The following ABCC1 variants were observed in gnomAD, a reference collection of about 807,000 sequenced individuals.
ABCC1 encodes the protein ATP binding cassette subfamily C member 1 (ABCC1 blood group), also known as multidrug resistance-associated protein 1.
Under a neutral mutation model 172.9 loss-of-function variants are expected in ABCC1, and 83 were observed. The observed-to-expected ratio is 0.48, with a 90% CI of 0.40 to 0.58. The LOEUF (loss-of-function observed/expected upper bound fraction) is 0.58, where lower values mean the gene tolerates loss of function less well. Among genes scored for constraint, ABCC1 ranks in the 20% least tolerant of loss-of-function variants. The probability of loss-of-function intolerance (pLI) is 0.00; values close to 1 mark genes in which losing one functional copy is unlikely to be tolerated. For missense variants in ABCC1, 1,817 were observed against 2,002.7 expected (o/e 0.91, Z 1.77); for synonymous variants, 937 against 825.2 (o/e 1.14, Z -2.32).
chr16:16,036,037 C>T lies in ABCC1; in HGVS notation c.678-435C>T, dbSNP rs553816597. ...TACTCGGGAGGTTGAGATGGGAGAA[C>T]CACTCTAGACCGGGAGCTGGAGGCT... is the stretch of plus-strand genomic sequence containing the variant. On this transcript the variant is annotated intron_variant, in intron 6 of 30. Transcript: ENST00000399410. Among the ~76,000 whole-genome samples, 3 of 152,034 alleles carry T rather than the reference C, an allele frequency of 2.0e-5. No homozygotes were observed. In the South Asian group the frequency reaches 6.2e-4, roughly 32 times the overall value.
Position 16,141,578 on chromosome 16 carries a change from T to A in ABCC1, c.*297T>A. 1 of 384,898 alleles carries A rather than the reference T, an allele frequency of 2.6e-6. No individual in the cohort carries two copies. The highest frequency in any genetic ancestry group is 4.6e-5 in the East Asian group (1 of 21,872). 23.8% of individuals were successfully genotyped at this position (384,898 alleles called of 1,614,324 possible). ...GCCCCCAGGAATGCAAGTGGTTTCC[T>A]GGTGCTTCCCACGGAGGAGTTTTGG... is the stretch of plus-strand genomic sequence containing the variant. On this transcript the variant is annotated 3_prime_UTR_variant, in exon 31 of 31. Transcript: ENST00000399410.
At chr16:16,027,865 G>C (rs545800446) in intron 5 of ABCC1, among the ~76,000 whole-genome samples, 15 of 152,258 alleles carry the variant, frequency 9.9e-5, no homozygotes, top group African/African-American at 3.1e-4. Context: ...AGAGGCTACT[G>C]TCACTGCTTC....
chr16:16,015,379 C>T (rs1181448431), intron 4 of ABCC1, among the ~76,000 whole-genome samples: 1 of 152,066 alleles, frequency 6.6e-6, no homozygotes, highest in African/African-American at 2.4e-5. Flanking sequence ...ACTTCGTGAT[C>T]CACCCGCCTC....
Position 16,102,681 on chromosome 16 carries a change from T to A in ABCC1, c.2699T>A (p.Met900Lys). ...GAAGCAAAGCAAATGGAGAATGGCA[T>A]GCTGGTGACGGACAGTGCAGGGAAG... is the stretch of plus-strand genomic sequence containing the variant. ...GKEAKQMENG[M>K]LVTDSAGKQL... Residue 900 changes from methionine (M) to lysine (K), a missense_variant, in exon 20 of 31, where the codon ATG becomes AAG. Physicochemically the swap from Met to Lys is moderately conservative, Grantham distance 95. Transcript: ENST00000399410. 1 of 1,590,994 alleles carries A rather than the reference T, an allele frequency of 6.3e-7. No individual in the cohort carries two copies. Among genetic ancestry groups the A allele is most frequent in the South Asian group, 1.1e-5 (1 of 87,152 alleles).
chr16:16,124,603 C>T (rs185761005), intron 24 of ABCC1, among the ~76,000 whole-genome samples, 186 bp from the exon 25 acceptor site: 3 of 152,302 alleles, frequency 2.0e-5, no homozygotes, highest in East Asian at 1.9e-4. Context: ...CTCGTGCCTT[C>T]GGCCCTCCCT....
rs1270431793 is a variant in ABCC1 at position 15,949,704 on chromosome 16, G to C, written c.-48G>C. 1 of 1,082,520 alleles carries C rather than the reference G, an allele frequency of 9.2e-7. No homozygotes were observed. The highest frequency in any genetic ancestry group is 1.1e-6 in the Non-Finnish European group (1 of 891,440). 67.1% of individuals were successfully genotyped at this position (1,082,520 alleles called of 1,614,324 possible). ...CCGCCGCCGCCCGCGCCAGCAACCG[G>C]GCCCGATCACCCGCCGCCCGGTGCC... On this transcript the variant is annotated 5_prime_UTR_variant, in exon 1 of 31. Coordinates refer to ENST00000399410, the MANE Select transcript of ABCC1 (RefSeq NM_004996.4).
intron 1 of ABCC1, among the ~76,000 whole-genome samples, chr16:15,995,000 A>G (rs1200994600): frequency 1.3e-5 from 2 of 151,164 alleles, no homozygotes; most frequent in African/African-American, 4.9e-5. Flanking sequence ...GCGTGGTAGC[A>G]GGCGTCTGTA....
intron 1 of ABCC1, among the ~76,000 whole-genome samples, chr16:15,957,270 G>GA (rs2046019896): frequency 7.4e-6 from 1 of 135,262 alleles, no homozygotes; most frequent in Non-Finnish European, 1.5e-5. Context: ...TTTTTTTGTA[G>GA]AGATAGGGTT....
At chr16:16,009,967 C>T in intron 3 of ABCC1, 66 bp downstream of exon 3, 2 of 1,257,276 alleles carry the variant, frequency 1.6e-6, no homozygotes, top group South Asian at 2.0e-5. Context: ...AAAGTAATAA[C>T]TCGTAAGACT....
At chr16:16,138,043 A>G (rs963775925) in intron 29 of ABCC1, among the ~76,000 whole-genome samples, 1 of 151,412 alleles carries the variant, frequency 6.6e-6, no homozygotes, top group African/African-American at 2.4e-5. Context: ...TTTTGGAGAG[A>G]TGGGGGTCTT....
chr16:16,125,944 C>A, intron 26 of ABCC1, 33 bp downstream of exon 26: 2 of 1,557,736 alleles, frequency 1.3e-6, no homozygotes, highest in East Asian at 2.2e-5. Context: ...ACCTCTTGGT[C>A]TTTGGTGTAG....
chr16:16,110,781 AC>A (rs1303051260), intron 21 of ABCC1, among the ~76,000 whole-genome samples: 1 of 152,060 alleles, frequency 6.6e-6, no homozygotes, highest in Non-Finnish European at 1.5e-5. Context: ...TTTTATACTC[AC>A]GTGGAATTGT....
chr16:15,965,601 C>G (rs2046225598), intron 1 of ABCC1, among the ~76,000 whole-genome samples: 1 of 150,856 alleles, frequency 6.6e-6, no homozygotes, highest in African/African-American at 2.4e-5. Context: ...CCCTTTCTCC[C>G]TTTTTAACTT....
At chr16:15,982,334 C>A (rs2046640915) in intron 1 of ABCC1, among the ~76,000 whole-genome samples, 1 of 152,048 alleles carries the variant, frequency 6.6e-6, no homozygotes, top group African/African-American at 2.4e-5. Flanking sequence ...ATTTAGTTGG[C>A]CCACAGTTCT....
intron 1 of ABCC1, among the ~76,000 whole-genome samples, chr16:16,005,058 C>T (rs2047475989): frequency 7.0e-6 from 1 of 143,056 alleles, no homozygotes; most frequent in African/African-American, 2.6e-5. Context: ...TCCCTCATTT[C>T]TCATTTTTAA....
intron 26 of ABCC1, among the ~76,000 whole-genome samples, chr16:16,131,196 T>C (rs982224522): frequency 2.0e-5 from 3 of 152,218 alleles, no homozygotes; most frequent in Non-Finnish European, 2.9e-5. Context: ...AACGTCACGT[T>C]AATTCTGGCA....
At chr16:15,968,818 G>A (rs1392994085) in intron 1 of ABCC1, among the ~76,000 whole-genome samples, 3 of 151,850 alleles carry the variant, frequency 2.0e-5, no homozygotes, top group Non-Finnish European at 4.4e-5. Flanking sequence ...GACCTCTCAG[G>A]CTCAAGCAAT....
intron 7 of ABCC1, among the ~76,000 whole-genome samples, chr16:16,039,337 G>A (rs1178915178): frequency 2.8e-5 from 4 of 140,378 alleles, no homozygotes; most frequent in Admixed American, 7.4e-5. Flanking sequence ...GTGTGATCTC[G>A]GCTCACTGCA....
chr16:16,011,232 CAAAAAA>C (rs2047769300), intron 3 of ABCC1, among the ~76,000 whole-genome samples: 1 of 149,704 alleles, frequency 6.7e-6, no homozygotes, highest in African/African-American at 2.5e-5. Flanking sequence ...GACCTCATCT[CAAAAAA>C]GAAAAAGAAA....
Sources: allele counts gnomAD v4.1 joint callset (sites outside exome capture counted in the v4.1 genomes callset), GRCh38; gene constraint gnomAD v4.1.1; transcripts MANE v1.5; gene names NCBI Gene and HGNC (gene_info 2026-07-23, HGNC 2026-07-21).